TRAPPC9: variants seen among roughly 807,000 people sequenced by gnomAD.
The protein encoded by TRAPPC9 is trafficking protein particle complex subunit 9.
In TRAPPC9, 83 loss-of-function variants were observed where a neutral mutation model predicts 124.0. The ratio of observed to expected loss-of-function variants is 0.67; its 90% confidence interval spans 0.56 to 0.80. TRAPPC9 has a LOEUF of 0.80. Ranked by LOEUF, TRAPPC9 falls within the 30% of genes least tolerant of loss-of-function variation. The pLI is 0.00. For missense variants in TRAPPC9, 1,302 were observed against 1,508.3 expected (o/e 0.86, Z 2.27); for synonymous variants, 638 against 617.5 (o/e 1.03, Z -0.49).
chr8:139,794,437 A>G lies in TRAPPC9; in HGVS notation c.3056-62235T>C, dbSNP rs148961325. Among the ~76,000 whole-genome samples the G allele has an allele frequency of 9.5e-3, 1,450 of 152,304 alleles. 8 individuals are homozygous for G. The highest frequency in any genetic ancestry group is 0.015 in the Non-Finnish European group (995 of 68,020). ...GGTGTGCCAGAAAAAGGGGACTCCAAGGCCAAATGGAGGCATTCTCGCTTA... is the reference window on the plus strand; with the variant it reads ...GGTGTGCCAGAAAAAGGGGACTCCAGGGCCAAATGGAGGCATTCTCGCTTA... On this transcript the variant is annotated intron_variant, in intron 21 of 22. Coordinates refer to ENST00000438773, the MANE Select transcript of TRAPPC9 (RefSeq NM_001160372.4).
chr8:139,915,528 T>C (rs180796220), intron 19 of TRAPPC9, among the ~76,000 whole-genome samples: 2 of 152,322 alleles, frequency 1.3e-5, no homozygotes, highest in Admixed American at 6.5e-5. Flanking sequence ...GTTACAGGCA[T>C]GAGCCACCAC....
At chr8:140,324,954 C>A (rs1378981312) in intron 9 of TRAPPC9, among the ~76,000 whole-genome samples, 7 of 151,856 alleles carry the variant, frequency 4.6e-5, no homozygotes, top group African/African-American at 1.5e-4. Flanking sequence ...AGACCAAATG[C>A]CACACCATAA....
chr8:140,126,675 G>A (rs934440528), intron 17 of TRAPPC9, among the ~76,000 whole-genome samples: 1 of 152,244 alleles, frequency 6.6e-6, no homozygotes, highest in Non-Finnish European at 1.5e-5. Flanking sequence ...AATTAGGACA[G>A]TGTATTTAGC....
At chr8:139,861,592 G>A (rs1352813716) in intron 21 of TRAPPC9, among the ~76,000 whole-genome samples, 3 of 152,294 alleles carry the variant, frequency 2.0e-5, no homozygotes, top group African/African-American at 7.2e-5. Flanking sequence ...TAAGAGAGCT[G>A]AACATACTGA....
chr8:140,058,557 G>C (rs1370172348), intron 17 of TRAPPC9, among the ~76,000 whole-genome samples: 1 of 152,194 alleles, frequency 6.6e-6, no homozygotes, highest in African/African-American at 2.4e-5. Context: ...GGCCTACAAA[G>C]TTCTCGCAAT....
At chr8:139,839,508 GA>G (rs1484380681) in intron 21 of TRAPPC9, among the ~76,000 whole-genome samples, 1 of 152,234 alleles carries the variant, frequency 6.6e-6, no homozygotes, top group African/African-American at 2.4e-5. Context: ...GCGGGCTCAA[GA>G]AAGGTTCTCA....
At chr8:140,228,840 T>C (rs947016726) in intron 16 of TRAPPC9, among the ~76,000 whole-genome samples, 15 of 152,190 alleles carry the variant, frequency 9.9e-5, no homozygotes, top group Non-Finnish European at 5.9e-5. Context: ...GTAGTACAAC[T>C]GTGTTACAGT....
At chr8:140,448,277 A>T (rs2071338704) in intron 2 of TRAPPC9, among the ~76,000 whole-genome samples, 2 of 152,200 alleles carry the variant, frequency 1.3e-5, no homozygotes, top group Admixed American at 1.3e-4. Context: ...TCAAATGCTA[A>T]CTGATGTCTA....
intron 19 of TRAPPC9, among the ~76,000 whole-genome samples, chr8:139,950,251 G>A (rs971310417): frequency 1.3e-5 from 2 of 152,224 alleles, no homozygotes; most frequent in African/African-American, 4.8e-5. Flanking sequence ...GAGTTCTCAT[G>A]AGGATTCAAA....
At position 139,925,630 on chromosome 8, in the gene TRAPPC9, C is replaced by A. The variant is rs111641825; in HGVS notation, c.2811-15330G>T. Reference sequence around the variant, plus strand: ...GGGTGTGGTAGTGCACGCCTGTAATCCCAGCTACTCAGGAGGCTGAGGCAG... The same window carrying A: ...GGGTGTGGTAGTGCACGCCTGTAATACCAGCTACTCAGGAGGCTGAGGCAG... On this transcript the variant is annotated intron_variant, in intron 19 of 22. Coordinates refer to ENST00000438773, the MANE Select transcript of TRAPPC9 (RefSeq NM_001160372.4). Among the ~76,000 whole-genome samples the A allele has an allele frequency of 4.8e-3, 737 of 152,032 alleles. 9 individuals are homozygous for A. The highest frequency in any genetic ancestry group is 0.017 in the African/African-American group (688 of 41,456).
At chr8:139,963,370 T>TGG (rs1835468356) in intron 19 of TRAPPC9, among the ~76,000 whole-genome samples, 1 of 152,164 alleles carries the variant, frequency 6.6e-6, no homozygotes, top group Non-Finnish European at 1.5e-5. Flanking sequence ...ACCCTAGGCT[T>TGG]CCCAAGGATG....
chr8:139,755,400 C>T lies in TRAPPC9; in HGVS notation c.3056-23198G>A, dbSNP rs554364952. Among the ~76,000 whole-genome samples the T allele has an allele frequency of 3.3e-4, 41 of 125,418 alleles. No homozygotes were observed. The South Asian group carries it at 7.7e-3, about 24-fold the overall frequency. The allele number at this position is 125,418 out of a possible 152,430, so 82.3% of individuals were successfully genotyped here. ...AGGGTTGGGGATGAGGACAGCAGGTCGCAGGAAGAGCCAGGGTTTGGGGAT... is the reference window on the plus strand; with the variant it reads ...AGGGTTGGGGATGAGGACAGCAGGTTGCAGGAAGAGCCAGGGTTTGGGGAT... On this transcript the variant is annotated intron_variant, in intron 21 of 22. Coordinates refer to ENST00000438773, the MANE Select transcript of TRAPPC9 (RefSeq NM_001160372.4).
chr8:139,982,585 C>T (rs994594291), intron 19 of TRAPPC9, among the ~76,000 whole-genome samples: 5 of 152,208 alleles, frequency 3.3e-5, no homozygotes, highest in African/African-American at 1.2e-4. Context: ...CCAAGCATCA[C>T]AAATCACATC....
intron 17 of TRAPPC9, among the ~76,000 whole-genome samples, chr8:140,165,195 G>T (rs1311203539): frequency 6.6e-6 from 1 of 152,050 alleles, no homozygotes; most frequent in Non-Finnish European, 1.5e-5. Flanking sequence ...ATAAAAATTA[G>T]CCAGGCGTGG....
intron 20 of TRAPPC9, chr8:139,904,875 C>A (rs1361333259): frequency 1.3e-5 from 2 of 152,266 alleles, no homozygotes; most frequent in African/African-American, 2.4e-5. Context: ...CCTCTGACCC[C>A]AGGCTCCAGT....
chr8:140,313,561 C>T (rs1267992385), intron 9 of TRAPPC9, among the ~76,000 whole-genome samples: 1 of 152,138 alleles, frequency 6.6e-6, no homozygotes, highest in Non-Finnish European at 1.5e-5. Flanking sequence ...GGAGGAATGT[C>T]CTATGTAGGG....
intron 17 of TRAPPC9, among the ~76,000 whole-genome samples, chr8:140,114,152 G>A (rs2060833834): frequency 6.6e-6 from 1 of 152,024 alleles, no homozygotes; most frequent in Non-Finnish European, 1.5e-5. Context: ...CTTCCGAGCG[G>A]GGACTGTTAT....
At chr8:140,033,679 T>TG (rs1840676733) in intron 17 of TRAPPC9, among the ~76,000 whole-genome samples, 1 of 113,700 alleles carries the variant, frequency 8.8e-6, no homozygotes, top group Non-Finnish European at 1.8e-5. Context: ...TTTTTTTTTT[T>TG]TTTTTTTTTT....
intron 9 of TRAPPC9, among the ~76,000 whole-genome samples, chr8:140,312,010 A>C (rs572857310): frequency 6.6e-6 from 1 of 152,336 alleles, no homozygotes; most frequent in African/African-American, 2.4e-5. Flanking sequence ...GACAGAGCTC[A>C]GGAGCACCTG....
Sources: allele counts gnomAD v4.1 joint callset (sites outside exome capture counted in the v4.1 genomes callset), GRCh38; gene constraint gnomAD v4.1.1; transcripts MANE v1.5; gene names NCBI Gene and HGNC (gene_info 2026-07-23, HGNC 2026-07-21).